NTN1: variants seen among roughly 807,000 people sequenced by gnomAD.
NTN1 encodes netrin 1, also known as netrin-1.
NTN1 carries 11 observed loss-of-function variants against 54.2 expected under a neutral mutation model. The ratio of observed to expected loss-of-function variants is 0.20; its 90% CI spans 0.13 to 0.34. NTN1 has a LOEUF of 0.34. NTN1 is among the 10% of genes least tolerant of loss of function. The probability of loss-of-function intolerance (pLI) is 1.00; values close to 1 mark genes in which losing one functional copy is unlikely to be tolerated. For missense variants in NTN1, 740 were observed against 893.1 expected (o/e 0.83, Z 2.18); for synonymous variants, 371 against 382.0 (o/e 0.97, Z 0.33).
intron 6 of NTN1, among the ~76,000 whole-genome samples, chr17:9,227,344 A>G (rs1307718086): frequency 6.7e-6 from 1 of 149,508 alleles, no homozygotes; most frequent in East Asian, 2.0e-4. Context: ...TACACAGACT[A>G]TCAGTCACAC....
At chr17:9,184,281 G>C (rs1389146748) in intron 5 of NTN1, among the ~76,000 whole-genome samples, 2 of 152,210 alleles carry the variant, frequency 1.3e-5, no homozygotes, top group Non-Finnish European at 2.9e-5. Context: ...TGTTTGCAGA[G>C]CCTTTAGGGA....
At chr17:9,199,967 A>G (rs933857368) in intron 5 of NTN1, among the ~76,000 whole-genome samples, 1 of 152,232 alleles carries the variant, frequency 6.6e-6, no homozygotes, top group African/African-American at 2.4e-5. Context: ...ATTCTGCCCA[A>G]CAGCTGCCTA....
chr17:9,197,088 G>A (rs939736762), intron 5 of NTN1, among the ~76,000 whole-genome samples: 1 of 151,808 alleles, frequency 6.6e-6, no homozygotes, highest in African/African-American at 2.4e-5. Context: ...CCTCAGCACA[G>A]CATTGTCCAA....
intron 5 of NTN1, among the ~76,000 whole-genome samples, chr17:9,185,416 G>C (rs557078159): frequency 6.6e-6 from 1 of 152,184 alleles, no homozygotes; most frequent in African/African-American, 2.4e-5. Context: ...TTTTGCCTGC[G>C]TACCAGAGGA....
At chr17:9,112,368 C>T (rs2092194669) in intron 2 of NTN1, among the ~76,000 whole-genome samples, 1 of 152,112 alleles carries the variant, frequency 6.6e-6, no homozygotes, top group South Asian at 2.1e-4. Flanking sequence ...TACTCAGGGC[C>T]CTTTCATGGT....
Position 9,219,663 on chromosome 17 carries a change from C to T in NTN1, c.1412-1505C>T, listed in dbSNP as rs1284988993. The stretch of plus-strand genomic sequence containing the variant: ...GAGAGGTCTCCCTGAACACTCCCTG[C>T]AGATCTAAGTCCTGGGTTGGGGTGC... On this transcript the variant is annotated intron_variant, in intron 5 of 6. Transcript: ENST00000173229. The surrounding 1 kb of genome is among the most constrained non-coding windows in gnomAD (Gnocchi z 4.5). Among the ~76,000 whole-genome samples the T allele has an allele frequency of 2.0e-5, 3 of 152,218 alleles. No homozygotes were observed. The highest frequency in any genetic ancestry group is 7.2e-5 in the African/African-American group (3 of 41,468).
At chr17:9,007,258 C>T in the NTN1 span, among the ~76,000 whole-genome samples, 1 of 141,936 alleles carries the variant, frequency 7.0e-6, no homozygotes, top group African/African-American at 2.6e-5. Context: ...CCTTCCTTCT[C>T]TTTCTCTCTT....
chr17:9,209,329 A>G (rs1905042191), intron 5 of NTN1, among the ~76,000 whole-genome samples: 1 of 152,222 alleles, frequency 6.6e-6, no homozygotes, highest in African/African-American at 2.4e-5. Flanking sequence ...GTGAGCTGCA[A>G]GGGAATCTTT....
intron 2 of NTN1, among the ~76,000 whole-genome samples, chr17:9,040,906 G>T (rs1258528500): frequency 1.3e-5 from 2 of 151,876 alleles, no homozygotes; most frequent in Non-Finnish European, 2.9e-5. Context: ...CAACCTCCTG[G>T]GCTAAAGCAA....
At chr17:9,235,403 G>C (rs180824051) in intron 6 of NTN1, among the ~76,000 whole-genome samples, 1 of 152,186 alleles carries the variant, frequency 6.6e-6, no homozygotes, top group African/African-American at 2.4e-5. Flanking sequence ...CTGTTCCAGC[G>C]TTGTTGAAGA....
rs1906317118 is a variant in NTN1, at chr17:9,243,866, T to TCCACAAC, written c.*3898_*3899insCCACAAC. 7.1e-6 allele frequency: 1 copy of TCCACAAC among 141,768 alleles called. No individual in the cohort carries two copies. Among genetic ancestry groups the TCCACAAC allele is most frequent in the Non-Finnish European group, 1.5e-5 (1 of 65,028 alleles). 8.8% of individuals were successfully genotyped at this position (141,768 alleles called of 1,614,324 possible). A position where few individuals can be genotyped will look rare whatever the true frequency, so the allele number is the denominator to read the frequency against. ...TTAATGACATGGAAAAAGTTGTGGATTTTCTTTCTTTCCTTTTTTTTGGGG... is the reference window on the plus strand; with the variant it reads ...TTAATGACATGGAAAAAGTTGTGGATCCACAACTTTCTTTCTTTCCTTTTTTTTGGGG... On this transcript the variant is annotated 3_prime_UTR_variant, in exon 7 of 7. Transcript: ENST00000173229.
intron 5 of NTN1, among the ~76,000 whole-genome samples, chr17:9,199,734 T>C (rs1364416022): frequency 6.6e-6 from 1 of 152,244 alleles, no homozygotes; most frequent in African/African-American, 2.4e-5. Flanking sequence ...CTGGGTAATG[T>C]AGTCTATCTG....
At chr17:9,236,763 C>T (rs906992973) in intron 6 of NTN1, among the ~76,000 whole-genome samples, 17 of 152,298 alleles carry the variant, frequency 1.1e-4, no homozygotes, top group Admixed American at 8.5e-4. Flanking sequence ...AGGGCTTTGC[C>T]CTTGGTGTTA....
intron 2 of NTN1, among the ~76,000 whole-genome samples, chr17:9,133,422 G>A (rs1038029164): frequency 6.6e-6 from 1 of 152,192 alleles, no homozygotes; most frequent in Admixed American, 6.5e-5. Flanking sequence ...GCTCCCAGGC[G>A]ACTTGCTGTG....
chr17:9,124,384 C>T (rs949896641), intron 2 of NTN1, among the ~76,000 whole-genome samples: 11 of 152,180 alleles, frequency 7.2e-5, no homozygotes, highest in Non-Finnish European at 1.3e-4. Context: ...CTCCTCCCTC[C>T]GGCTTCTCTC....
chr17:9,177,792 G>A (rs72811965), intron 3 of NTN1: 25,947 of 152,398 alleles, frequency 0.17, 2,724 homozygotes, highest in Middle Eastern at 0.29. Flanking sequence ...TCTTCTGCAC[G>A]TCTCCATGGG....
At chr17:9,062,002 C>G (rs991628823) in intron 2 of NTN1, among the ~76,000 whole-genome samples, 26 of 152,218 alleles carry the variant, frequency 1.7e-4, no homozygotes, top group Non-Finnish European at 1.2e-4. Context: ...CACAGCCAGC[C>G]AGGAGCAGTT....
intron 2 of NTN1, among the ~76,000 whole-genome samples, chr17:9,092,437 A>G (rs2092114717): frequency 6.7e-6 from 1 of 148,986 alleles, no homozygotes; most frequent in Non-Finnish European, 1.5e-5. Flanking sequence ...ATAGGCGCAA[A>G]CCACCATGCC....
chr17:9,164,290 T>C (rs1456961543), intron 3 of NTN1, among the ~76,000 whole-genome samples: 2 of 152,150 alleles, frequency 1.3e-5, no homozygotes. Flanking sequence ...CTGGGTGTGG[T>C]GGCGGTTGCC....
Sources: allele counts gnomAD v4.1 joint callset (sites outside exome capture counted in the v4.1 genomes callset), GRCh38; gene constraint gnomAD v4.1.1; non-coding constraint Gnocchi (gnomAD v3.1); transcripts MANE v1.5; gene names NCBI Gene and HGNC (gene_info 2026-07-23, HGNC 2026-07-21).